Variants in RFWD3 observed in about 807,000 individuals in gnomAD.
RFWD3 encodes E3 ubiquitin-protein ligase RFWD3.
A neutral mutation model predicts 87.7 loss-of-function variants in RFWD3; 65 were observed. The ratio of observed to expected loss-of-function variants is 0.74; its 90% CI spans 0.61 to 0.91. RFWD3 has a LOEUF of 0.91. Ranked by LOEUF, RFWD3 falls within the 40% of genes least tolerant of loss-of-function variation. The probability of loss-of-function intolerance (pLI) is 0.00; values close to 1 mark genes in which losing one functional copy is unlikely to be tolerated. For missense variants in RFWD3, 1,078 were observed against 938.5 expected (o/e 1.15, Z -1.94); for synonymous variants, 433 against 352.8 (o/e 1.23, Z -2.55).
rs755594453 is a variant in RFWD3 at position 74,630,868 on chromosome 16, T to C, written c.1667A>G (p.Tyr556Cys). 24 of 1,614,076 alleles carry C rather than the reference T, an allele frequency of 1.5e-5. No homozygotes were observed. The highest frequency in any genetic ancestry group is 3.3e-5 in the Admixed American group (2 of 60,012). ...AATTGAACCATTGGCCAGTCCAGCA[T>C]AGATGTAGTTAGCCTCATCAAGACA... The part of the protein sequence containing the change: ...CWCLDEANYI[Y>C]AGLANGSILV... The change falls in exon 10 of 13, where the codon TAT becomes TGT. Residue 556 changes from tyrosine (Y) to cysteine (C), a missense_variant. By Grantham distance (194) the Tyr-to-Cys change is radical. Coordinates refer to ENST00000361070, the MANE Select transcript of RFWD3 (RefSeq NM_018124.4).
chr16:74,646,353 G>A (rs1338371708), intron 4 of RFWD3, among the ~76,000 whole-genome samples: 1 of 152,122 alleles, frequency 6.6e-6, no homozygotes, highest in African/African-American at 2.4e-5. Flanking sequence ...TCCAGCATGA[G>A]GGACAGAATG....
chr16:74,659,717 A>G (rs1219094098), intron 2 of RFWD3, among the ~76,000 whole-genome samples: 4 of 152,224 alleles, frequency 2.6e-5, no homozygotes, highest in African/African-American at 9.6e-5. Flanking sequence ...AAGCCCCAAC[A>G]TTAAAATCAG....
intron 12 of RFWD3, among the ~76,000 whole-genome samples, chr16:74,625,705 A>C (rs1020913452): frequency 6.6e-5 from 10 of 152,202 alleles, no homozygotes; most frequent in African/African-American, 2.4e-4. Flanking sequence ...CCAGTCAATG[A>C]AAGTTAGCGC....
chr16:74,651,550 C>T (rs1482793731), intron 3 of RFWD3, among the ~76,000 whole-genome samples: 1 of 152,024 alleles, frequency 6.6e-6, no homozygotes, highest in East Asian at 1.9e-4. Context: ...GCCCAAGAAG[C>T]GGAAGTTGCA....
intron 4 of RFWD3, among the ~76,000 whole-genome samples, chr16:74,647,837 C>T (rs1429761109): frequency 6.6e-6 from 1 of 152,196 alleles, no homozygotes; most frequent in African/African-American, 2.4e-5. Context: ...GGTGATCCGC[C>T]CGCCTTGGCC....
chr16:74,662,031 CAT>C (rs1390465513), intron 1 of RFWD3, among the ~76,000 whole-genome samples: 4 of 130,324 alleles, frequency 3.1e-5, no homozygotes, highest in Admixed American at 2.6e-4. Context: ...CTAATTCCAT[CAT>C]GTTAGCGTAT....
chr16:74,632,341 G>A (rs922802607), intron 9 of RFWD3, among the ~76,000 whole-genome samples, 182 bp downstream of exon 9: 1 of 151,796 alleles, frequency 6.6e-6, no homozygotes, highest in Non-Finnish European at 1.5e-5. Flanking sequence ...GCAGTGAGCC[G>A]AGATCCCACC....
chr16:74,660,169 A>G (rs1443590392), intron 2 of RFWD3, among the ~76,000 whole-genome samples: 1 of 151,840 alleles, frequency 6.6e-6, no homozygotes, highest in Non-Finnish European at 1.5e-5. Context: ...ATCAGTGCTA[A>G]CTCCTCTATT....
At position 74,644,577 on chromosome 16, in the gene RFWD3, G is replaced by A; in HGVS notation, c.951C>T (p.Ser317=). Residue 317 remains serine (S), a synonymous_variant, in exon 5 of 13, where the codon TCC becomes TCT. Coordinates refer to ENST00000361070, the MANE Select transcript of RFWD3 (RefSeq NM_018124.4). ...CGHLFGYRCI[S]TWLKGQVRKC... is the part of the protein sequence containing the mutation. The stretch of plus-strand genomic sequence containing the variant: ...TTCGTACTTGTCCTTTAAGCCACGT[G>A]GAAATGCACCTATACCCAAAGAGAT... The A allele has an allele frequency of 6.2e-7, 1 of 1,614,176 alleles. No homozygotes were observed. Among genetic ancestry groups the A allele is most frequent in the Non-Finnish European group, 8.5e-7 (1 of 1,180,042 alleles).
intron 1 of RFWD3, chr16:74,666,517 A>G (rs1185170434): frequency 6.6e-6 from 1 of 152,170 alleles, no homozygotes; most frequent in Non-Finnish European, 1.5e-5. Context: ...CGCAGCAGCG[A>G]ACTCGGCTCC....
Position 74,640,145 on chromosome 16 carries a change from ATT to A in RFWD3, c.1080-2177_1080-2176del, listed in dbSNP as rs11358380. ...TAGCCCATTCATACATGGAAACTTA[ATT>A]TTTTTTTTTTTTTTTGAAACAGTCT... On this transcript the variant is annotated intron_variant, in intron 6 of 12. Transcript: ENST00000361070. Among the ~76,000 whole-genome samples the A allele has an allele frequency of 7.1e-3, 972 of 136,088 alleles. 9 individuals carry two copies. Among genetic ancestry groups the A allele is most frequent in the African/African-American group, 0.022 (793 of 36,136 alleles). The allele number at this position is 136,088 out of a possible 152,430, so 89.3% of individuals were successfully genotyped here.
intron 1 of RFWD3, chr16:74,666,371 T>C (rs1408227965): frequency 3.3e-5 from 5 of 152,192 alleles, no homozygotes; most frequent in South Asian, 2.1e-4. Flanking sequence ...AAATTAAAAA[T>C]GAAGTTCTTC....
Position 74,644,693 on chromosome 16 carries a change from T to A in RFWD3, c.835A>T (p.Met279Leu). Residue 279 changes from methionine to leucine, a missense_variant, in exon 5 of 13, where the codon ATG (methionine) becomes TTG (leucine). By Grantham distance (15) the Met-to-Leu change is conservative. Transcript: ENST00000361070. ...CAAGTGTCCCCTTCTTCCTCATCCA[T>A]AGAAGCAGAAGGTAGCAGAGGCTCA... ...KSEPLLPSASMDEEEGDTCTI... is the reference protein window; with the variant it reads ...KSEPLLPSASLDEEEGDTCTI... 3 of 1,614,098 alleles carry A rather than the reference T, an allele frequency of 1.9e-6. No homozygotes were observed. The highest frequency in any genetic ancestry group is 2.5e-6 in the Non-Finnish European group (3 of 1,180,022).
At chr16:74,659,244 G>C (rs1039454071) in intron 2 of RFWD3, among the ~76,000 whole-genome samples, 4 of 152,150 alleles carry the variant, frequency 2.6e-5, no homozygotes, top group Admixed American at 2.0e-4. Context: ...GGATAAGCAA[G>C]ACTGAGGACT....
Position 74,623,562 on chromosome 16 carries a change from C to A in RFWD3, c.*366G>T. On this transcript the variant is annotated 3_prime_UTR_variant, in exon 13 of 13. Coordinates refer to ENST00000361070, the MANE Select transcript of RFWD3 (RefSeq NM_018124.4). ...AACTCAGATGGGATGTCATATTCCCCAGAAAATGCTTGATGCCCACTCACA... is the reference window on the plus strand; with the variant it reads ...AACTCAGATGGGATGTCATATTCCCAAGAAAATGCTTGATGCCCACTCACA... 1 of 187,058 alleles carries A rather than the reference C, an allele frequency of 5.3e-6. No individual in the cohort carries two copies. The highest frequency in any genetic ancestry group is 1.1e-5 in the Non-Finnish European group (1 of 90,790). The allele number at this position is 187,058 out of a possible 1,614,324, so 11.6% of individuals were successfully genotyped here. A position where few individuals can be genotyped will look rare whatever the true frequency, so the allele number is the denominator to read the frequency against.
chr16:74,630,946 T>C lies in RFWD3; in HGVS notation c.1589A>G (p.Asn530Ser). The C allele has an allele frequency of 6.2e-7, 1 of 1,608,572 alleles. No homozygotes were observed. Among genetic ancestry groups the C allele is most frequent in the Non-Finnish European group, 8.5e-7 (1 of 1,178,628 alleles). Residue 530 changes from asparagine (N) to serine (S), a missense_variant, in exon 10 of 13, where the codon AAT becomes AGT. By Grantham distance (46) the Asn-to-Ser change is conservative. Coordinates refer to ENST00000361070, the MANE Select transcript of RFWD3 (RefSeq NM_018124.4). Reference sequence around the variant, plus strand: ...AGCATTATAAGTCTGGACCACGGTATTTGTCTCCAGGCTGTGGAGTTACAA... The same window carrying C: ...AGCATTATAAGTCTGGACCACGGTACTTGTCTCCAGGCTGTGGAGTTACAA... ...NTIKLTSLET[N>S]TVVQTYNAGR...
rs750220423 is a variant in RFWD3 at position 74,623,038 on chromosome 16, A to AG, written c.*889dup. 3 of 152,186 alleles carry AG rather than the reference A, an allele frequency of 2.0e-5. No individual in the cohort carries two copies. Among genetic ancestry groups the AG allele is most frequent in the Non-Finnish European group, 4.4e-5 (3 of 68,032 alleles). 9.4% of individuals were successfully genotyped at this position (152,186 alleles called of 1,614,324 possible). A position where few individuals can be genotyped will look rare whatever the true frequency, so the allele number is the denominator to read the frequency against. On this transcript the variant is annotated 3_prime_UTR_variant, in exon 13 of 13. Coordinates refer to ENST00000361070, the MANE Select transcript of RFWD3 (RefSeq NM_018124.4). ...GTCTTTTCTCCTGATCTCTGACACT[A>AG]GGGGAGACTCAAGTAAAAGCTTTGA...
chr16:74,626,659 T>A, intron 11 of RFWD3, 105 bp from the exon 12 acceptor site: 1 of 768,346 alleles, frequency 1.3e-6, no homozygotes. Context: ...GGAAAAGCCA[T>A]AAATGCATTA....
chr16:74,639,784 AT>A (rs1232617785), intron 6 of RFWD3, among the ~76,000 whole-genome samples: 1 of 152,228 alleles, frequency 6.6e-6, no homozygotes, highest in Non-Finnish European at 1.5e-5. Flanking sequence ...ATAGCTTGGA[AT>A]ATGTGAGAAA....
Sources: allele counts gnomAD v4.1 joint callset (sites outside exome capture counted in the v4.1 genomes callset), GRCh38; gene constraint gnomAD v4.1.1; transcripts MANE v1.5; gene names NCBI Gene and HGNC (gene_info 2026-07-23, HGNC 2026-07-21).